UNC93A: variants seen among roughly 807,000 people sequenced by gnomAD.
UNC93A encodes the protein unc-93 homolog A.
Under a neutral mutation model 47.5 loss-of-function variants are expected in UNC93A, and 43 were observed. The observed-to-expected ratio is 0.91, with a 90% CI of 0.71 to 1.17. The LOEUF is 1.17. Among genes scored for constraint, UNC93A ranks in the 50% most tolerant of loss-of-function variants. The pLI is 0.00. For synonymous variants in UNC93A, 280 were observed against 258.0 expected (o/e 1.09, Z -0.82); for missense variants, 605 against 577.6 (o/e 1.05, Z -0.49).
At chr6:167,312,750 A>C (rs1778594954) in intron 7 of UNC93A, among the ~76,000 whole-genome samples, 1 of 152,348 alleles carries the variant, frequency 6.6e-6, no homozygotes, top group South Asian at 2.1e-4. Flanking sequence ...TCCTTTTTAA[A>C]AAATGTCTTT....
upstream of UNC93A, among the ~76,000 whole-genome samples, chr6:167,290,129 C>T (rs1204780898): frequency 6.6e-6 from 1 of 152,194 alleles, no homozygotes; most frequent in African/African-American, 2.4e-5. Context: ...CACCTGAGAT[C>T]ACCTAGCTAA....
chr6:167,294,545 G>A lies in UNC93A; in HGVS notation c.116G>A (p.Gly39Asp), dbSNP rs1777992395. Residue 39 changes from glycine (G) to aspartate (D), a missense_variant, in exon 2 of 8, where the codon GGT (glycine) becomes GAT (aspartate). Coordinates refer to ENST00000230256, the MANE Select transcript of UNC93A (RefSeq NM_018974.4). ...QSSLYSEEGL[G>D]VTALSTLYGG... ...AGCCTGTACAGCGAGGAGGGCCTGG[G>A]TGTCACAGCGCTCAGCACCCTCTAT... 1 of 1,613,938 alleles carries A rather than the reference G, an allele frequency of 6.2e-7. No individual in the cohort carries two copies. The highest frequency in any genetic ancestry group is 8.5e-7 in the Non-Finnish European group (1 of 1,180,008).
At chr6:167,307,711 ACCTCCAGGCC>A (rs1778439297) in intron 6 of UNC93A, 58 bp from the exon 7 acceptor site, 1 of 1,594,192 alleles carries the variant, frequency 6.3e-7, no homozygotes, top group African/African-American at 1.3e-5. Context: ...GCACTGACCC[ACCTCCAGGCC>A]CCTCCAGGCC....
intron 5 of UNC93A, among the ~76,000 whole-genome samples, chr6:167,305,601 C>T (rs1234408428): frequency 1.3e-5 from 2 of 151,976 alleles, no homozygotes; most frequent in South Asian, 2.1e-4. Flanking sequence ...TAATGATTGG[C>T]CCCAGCAAGG....
At chr6:167,303,872 G>T in intron 4 of UNC93A, 47 bp from the exon 5 acceptor site, 1 of 1,598,166 alleles carries the variant, frequency 6.3e-7, no homozygotes, top group Admixed American at 1.7e-5. Context: ...CAGGCACCCT[G>T]CCTCTGGGCC....
chr6:167,297,834 C>A, intron 3 of UNC93A, 111 bp from the exon 4 acceptor site: 1 of 1,401,854 alleles, frequency 7.1e-7, no homozygotes, highest in Non-Finnish European at 9.7e-7. Flanking sequence ...TGTAGTGATG[C>A]CTCCCCCCAG....
At position 167,304,054 on chromosome 6, in the gene UNC93A, A is replaced by G. The variant is rs540191223; in HGVS notation, c.761A>G (p.Asp254Gly). The change falls in exon 5 of 8, where the codon GAT becomes GGT. Residue 254 changes from aspartate (D) to glycine (G), a missense_variant. Physicochemically the swap from Asp to Gly is moderately conservative, Grantham distance 94 (BLOSUM62 -1). Transcript: ENST00000230256. Reference protein sequence around the residue: ...TLLSTFKLYRDKRLCLLILLP... With the variant: ...TLLSTFKLYRGKRLCLLILLP... ...CTGTCGACTTTCAAGCTATATAGAG[A>G]TAAACGTCTGTGCCTCTTAATTCTG... 2.2e-5 allele frequency: 36 copies of G among 1,613,964 alleles called. No individual in the cohort carries two copies. The South Asian group carries it at 2.9e-4, about 13-fold the overall frequency.
At position 167,291,345 on chromosome 6, in the gene UNC93A, C is replaced by T. The variant is rs2115108849; in HGVS notation, c.-145C>T. ...CGAGTGACAGTCTTAATGACTAACACACCTCTAACATTTCACCTCTAGCTC... is the reference window on the plus strand; with the variant it reads ...CGAGTGACAGTCTTAATGACTAACATACCTCTAACATTTCACCTCTAGCTC... On this transcript the variant is annotated 5_prime_UTR_variant, in exon 1 of 8. Coordinates refer to ENST00000230256, the MANE Select transcript of UNC93A (RefSeq NM_018974.4). The T allele has an allele frequency of 1.6e-6, 1 of 618,824 alleles. No homozygotes were observed. The highest frequency in any genetic ancestry group is 2.7e-6 in the Non-Finnish European group (1 of 367,336). The allele number at this position is 618,824 out of a possible 1,614,324, so 38.3% of individuals were successfully genotyped here.
upstream of UNC93A, among the ~76,000 whole-genome samples, chr6:167,270,047 G>GGGGTGT (rs1783425182): frequency 1.1e-5 from 1 of 88,640 alleles, no homozygotes; most frequent in Non-Finnish European, 3.0e-5. Context: ...GAGGCTGCAC[G>GGGGTGT]GGGTGGGGGT....
At chr6:167,305,279 A>G (rs992778811) in intron 5 of UNC93A, among the ~76,000 whole-genome samples, 1 of 152,208 alleles carries the variant, frequency 6.6e-6, no homozygotes, top group African/African-American at 2.4e-5. Flanking sequence ...GGAGAATCTT[A>G]GGAGCTTAAA....
chr6:167,273,217 C>T (rs143233289), intron 1 of UNC93A, among the ~76,000 whole-genome samples: 32 of 152,306 alleles, frequency 2.1e-4, no homozygotes, highest in Non-Finnish European at 4.4e-4. Flanking sequence ...CTTGTGCACG[C>T]TGGGTCAGGC....
chr6:167,295,097 C>G (rs563029230), intron 2 of UNC93A, among the ~76,000 whole-genome samples: 8 of 152,302 alleles, frequency 5.3e-5, no homozygotes, highest in African/African-American at 1.9e-4. Context: ...CCTCGCCCAC[C>G]ATTAGGAGGT....
chr6:167,291,428 G>A lies in UNC93A; in HGVS notation c.-62G>A, dbSNP rs1161248121. 6.7e-7 allele frequency: 1 copy of A among 1,491,650 alleles called. No individual in the cohort carries two copies. The highest frequency in any genetic ancestry group is 9.2e-7 in the Non-Finnish European group (1 of 1,081,848). 92.4% of individuals were successfully genotyped at this position (1,491,650 alleles called of 1,614,324 possible). A position where few individuals can be genotyped will look rare whatever the true frequency, so the allele number is the denominator to read the frequency against. ...GATTGTTTTTCCCATGCCTCAATTGGTTTCTTTTAGGGAGCTACAAATTTA... is the reference window on the plus strand; with the variant it reads ...GATTGTTTTTCCCATGCCTCAATTGATTTCTTTTAGGGAGCTACAAATTTA... On this transcript the variant is annotated 5_prime_UTR_variant, in exon 1 of 8. Transcript: ENST00000230256.
chr6:167,276,664 TG>T (rs776998204), intron 1 of UNC93A, among the ~76,000 whole-genome samples: 32 of 152,136 alleles, frequency 2.1e-4, no homozygotes, highest in Non-Finnish European at 4.1e-4. Flanking sequence ...CCTTCAGCTG[TG>T]GGATCCAAGG....
intron 1 of UNC93A, among the ~76,000 whole-genome samples, chr6:167,273,927 C>G (rs560890286): frequency 6.6e-6 from 1 of 152,114 alleles, no homozygotes; most frequent in African/African-American, 2.4e-5. Context: ...TAGAGAGAAT[C>G]GATGGTAAAT....
rs35313366 is a variant in UNC93A, at chr6:167,296,144, A to C, written c.382A>C (p.Lys128Gln). 1.2e-3 allele frequency: 1,951 copies of C among 1,614,214 alleles called. 31 individuals carry two copies. The African/African-American group carries it at 0.023, about 19-fold the overall frequency. ...TGNTHAEKAGKRGKDMVNQYF... is the reference protein window; with the variant it reads ...TGNTHAEKAGQRGKDMVNQYF... ...AAACACACATGCAGAGAAGGCGGGA[A>C]AGCGTGGCAAAGACATGGTGAACCA... Residue 128 changes from lysine to glutamine, a missense_variant, in exon 3 of 8, where the codon AAG becomes CAG. Coordinates refer to ENST00000230256, the MANE Select transcript of UNC93A (RefSeq NM_018974.4).
At chr6:167,314,196 C>T (rs529161741) in intron 7 of UNC93A, among the ~76,000 whole-genome samples, 10 of 152,014 alleles carry the variant, frequency 6.6e-5, no homozygotes, top group African/African-American at 2.2e-4. Context: ...GTGGGCAGAG[C>T]GAATCTTCGG....
intron 1 of UNC93A, among the ~76,000 whole-genome samples, chr6:167,285,152 C>T (rs1045299337): frequency 6.6e-6 from 1 of 151,872 alleles, no homozygotes; most frequent in African/African-American, 2.4e-5. Context: ...TGGTTACCTG[C>T]CCGAGAGAGG....
chr6:167,278,252 G>A lies in UNC93A; in HGVS notation c.-52+6794G>A, dbSNP rs894261454. ...GGAAGCAAGCCCAGGGTTGGGGAAG[G>A]TTTGACAACATGGTGTCTAGAATTT... is the stretch of plus-strand genomic sequence containing the variant. On this transcript the variant is annotated intron_variant, in intron 1 of 3. Transcript: ENST00000503433. 5.3e-5 allele frequency among the ~76,000 whole-genome samples: 8 copies of A among 152,316 alleles called. No individual in the cohort carries two copies. The East Asian group carries it at 1.3e-3, about 26-fold the overall frequency.
Sources: allele counts gnomAD v4.1 joint callset (sites outside exome capture counted in the v4.1 genomes callset), GRCh38; gene constraint gnomAD v4.1.1; transcripts MANE v1.5; gene names NCBI Gene and HGNC (gene_info 2026-07-23, HGNC 2026-07-21).